Variants in LINGO2 observed in about 807,000 individuals in gnomAD.
LINGO2 encodes the protein leucine-rich repeat and immunoglobulin-like domain-containing nogo receptor-interacting protein 2.
Under a neutral mutation model 30.6 loss-of-function variants are expected in LINGO2, and 14 were observed. The observed-to-expected ratio is 0.46, with a 90% CI of 0.30 to 0.72. The LOEUF is 0.72. Ranked by LOEUF, LINGO2 falls within the 30% of genes least tolerant of loss-of-function variation. The pLI is 0.07. For synonymous variants in LINGO2, 317 were observed against 288.5 expected (o/e 1.10, Z -1.00); for missense variants, 729 against 751.7 (o/e 0.97, Z 0.35).
intron 1 of LINGO2, among the ~76,000 whole-genome samples, chr9:28,593,721 GA>G (rs35090759): frequency 0.55 from 83,756 of 151,832 alleles, 24,064 homozygotes; most frequent in East Asian, 0.7. Context: ...GTCAAGATTT[GA>G]AACCAATTCT....
chr9:28,420,929 G>A (rs1403999535), intron 2 of LINGO2, among the ~76,000 whole-genome samples: 1 of 151,874 alleles, frequency 6.6e-6, no homozygotes, highest in Non-Finnish European at 1.5e-5. Context: ...AACGAATGCT[G>A]AAAAAATACT....
the LINGO2 span, among the ~76,000 whole-genome samples, chr9:28,877,197 A>G: frequency 6.7e-6 from 1 of 149,506 alleles, no homozygotes; most frequent in Non-Finnish European, 1.5e-5. Flanking sequence ...CCCATTTTGT[A>G]GGTTGCCTGT....
intron 4 of LINGO2, among the ~76,000 whole-genome samples, chr9:28,282,922 C>T (rs534961007): frequency 1.3e-5 from 2 of 152,160 alleles, no homozygotes; most frequent in Non-Finnish European, 2.9e-5. Context: ...ACAGAATGTA[C>T]TAATTATTCA....
intron 2 of LINGO2, among the ~76,000 whole-genome samples, chr9:28,407,997 G>A (rs998790092): frequency 3.3e-5 from 5 of 152,034 alleles, no homozygotes; most frequent in African/African-American, 4.8e-5. Flanking sequence ...AGAGTACAGC[G>A]AGAGGGAGGG....
chr9:28,617,806 A>G (rs1193227468), intron 1 of LINGO2, among the ~76,000 whole-genome samples: 1 of 152,078 alleles, frequency 6.6e-6, no homozygotes, highest in Non-Finnish European at 1.5e-5. Flanking sequence ...GGACACCTGT[A>G]TTTCATATTA....
chr9:27,993,480 T>G (rs1163826885), intron 5 of LINGO2, among the ~76,000 whole-genome samples: 1 of 152,054 alleles, frequency 6.6e-6, no homozygotes, highest in African/African-American at 2.4e-5. Context: ...GAGGCTACAG[T>G]GATTCATGAT....
At position 28,655,521 on chromosome 9, in the gene LINGO2, A is replaced by T. The variant is rs568863256; in HGVS notation, c.-365+14679T>A. On this transcript the variant is annotated intron_variant, in intron 1 of 5. Transcript: ENST00000379992. Reference sequence around the variant, plus strand: ...GTGTTTTAAAATGTGAGGACCTGAGATTTGGGAGGGGCCAGGGATAGAATA... The same window carrying T: ...GTGTTTTAAAATGTGAGGACCTGAGTTTTGGGAGGGGCCAGGGATAGAATA... Among the ~76,000 whole-genome samples, 172 of 152,096 alleles carry T rather than the reference A, an allele frequency of 1.1e-3. 1 individual carries two copies. Among genetic ancestry groups the T allele is most frequent in the African/African-American group, 3.9e-3 (163 of 41,514 alleles).
chr9:28,758,321 C>A, the LINGO2 span, among the ~76,000 whole-genome samples: 4 of 151,954 alleles, frequency 2.6e-5, no homozygotes, highest in African/African-American at 4.8e-5. Context: ...CATTTCATTG[C>A]CACAGTCAAA....
At chr9:28,551,317 C>A (rs1189499088) in intron 1 of LINGO2, among the ~76,000 whole-genome samples, 1 of 151,590 alleles carries the variant, frequency 6.6e-6, no homozygotes, top group African/African-American at 2.4e-5. Flanking sequence ...GGCCTTGTAT[C>A]CATCAATCTC....
chr9:28,243,311 T>A (rs904976804), intron 4 of LINGO2, among the ~76,000 whole-genome samples: 1 of 151,566 alleles, frequency 6.6e-6, no homozygotes, highest in African/African-American at 2.4e-5. Context: ...TACAAAAAAA[T>A]TAACCGGGTG....
At chr9:28,668,065 T>TA (rs1296713382) in intron 1 of LINGO2, among the ~76,000 whole-genome samples, 3 of 151,604 alleles carry the variant, frequency 2.0e-5, no homozygotes, top group Non-Finnish European at 2.9e-5. Context: ...ATATCATGGA[T>TA]TTTTTTTTAA....
chr9:29,160,623 CAGA>C, the LINGO2 span, among the ~76,000 whole-genome samples: 5 of 152,136 alleles, frequency 3.3e-5, no homozygotes, highest in African/African-American at 7.2e-5. Context: ...GTTACGATTG[CAGA>C]AGAAGTTATA....
At chr9:29,158,828 CAA>C in the LINGO2 span, among the ~76,000 whole-genome samples, 3 of 152,060 alleles carry the variant, frequency 2.0e-5, no homozygotes, top group African/African-American at 7.2e-5. Flanking sequence ...CAGACAGAAA[CAA>C]AGAGACACAC....
At chr9:29,171,583 C>A in the LINGO2 span, among the ~76,000 whole-genome samples, 3 of 151,384 alleles carry the variant, frequency 2.0e-5, no homozygotes, top group Admixed American at 2.0e-4. Context: ...CTTGTAATAG[C>A]AAAAATCTGG....
intron 5 of LINGO2, among the ~76,000 whole-genome samples, chr9:27,989,932 AAAG>A (rs780113156): frequency 2.0e-5 from 3 of 152,048 alleles, no homozygotes; most frequent in Non-Finnish European, 2.9e-5. Flanking sequence ...ACTAAGCTCA[AAAG>A]AAGGAAAAAG....
At chr9:29,110,469 A>G in the LINGO2 span, among the ~76,000 whole-genome samples, 1 of 151,314 alleles carries the variant, frequency 6.6e-6, no homozygotes, top group Non-Finnish European at 1.5e-5. Flanking sequence ...AGTAGCTGGG[A>G]CTACAGGCGC....
intron 1 of LINGO2, among the ~76,000 whole-genome samples, chr9:28,659,608 C>G (rs1828507808): frequency 6.6e-6 from 1 of 151,952 alleles, no homozygotes; most frequent in South Asian, 2.1e-4. Context: ...CAACCACAGC[C>G]AGCAATTTTT....
chr9:28,728,016 A>G, the LINGO2 span, among the ~76,000 whole-genome samples: 2 of 152,194 alleles, frequency 1.3e-5, no homozygotes, highest in African/African-American at 4.8e-5. Flanking sequence ...TAAACTACTA[A>G]GAACCAAGGA....
intron 4 of LINGO2, among the ~76,000 whole-genome samples, chr9:28,123,990 C>T (rs2133410371): frequency 6.6e-6 from 1 of 152,224 alleles, no homozygotes; most frequent in South Asian, 2.1e-4. Context: ...ATGGAAAAAG[C>T]ACAATAATGT....
Sources: allele counts gnomAD v4.1 joint callset (sites outside exome capture counted in the v4.1 genomes callset), GRCh38; gene constraint gnomAD v4.1.1; transcripts MANE v1.5; gene names NCBI Gene and HGNC (gene_info 2026-07-23, HGNC 2026-07-21).